Variants in C8orf34 observed in about 807,000 individuals in gnomAD.
C8orf34 encodes the protein uncharacterized protein C8orf34.
A neutral mutation model predicts 68.3 loss-of-function variants in C8orf34; 65 were observed. The ratio of observed to expected loss-of-function variants is 0.95; its 90% CI spans 0.78 to 1.17. The LOEUF (loss-of-function observed/expected upper bound fraction) is 1.17, where lower values mean the gene tolerates loss of function less well. Among genes scored for constraint, C8orf34 ranks in the 50% most tolerant of loss-of-function variants. The pLI, the probability that C8orf34 is intolerant of heterozygous loss-of-function variation, is 0.00. For synonymous variants in C8orf34, 244 were observed against 241.2 expected (o/e 1.01, Z -0.11); for missense variants, 664 against 655.4 (o/e 1.01, Z -0.14).
In C8orf34 at chr8:68,630,945, AT is replaced by A. The variant is rs36031699; in HGVS notation, c.1106-9409del. Among the ~76,000 whole-genome samples, 895 of 118,326 alleles carry A rather than the reference AT, an allele frequency of 7.6e-3. 7 individuals are homozygous for A. The highest frequency in any genetic ancestry group is 0.019 in the African/African-American group (553 of 29,314). 77.6% of individuals were successfully genotyped at this position (118,326 alleles called of 152,430 possible). On this transcript the variant is annotated intron_variant, in intron 7 of 13. Transcript: ENST00000518698. ...CAGGCATGCCCCAACATGCCCAGCT[AT>A]TTTTTTTTTTTTTTTTTTTTTAAAA... is the stretch of plus-strand genomic sequence containing the variant.
chr8:68,417,663 A>T (rs1004962434), intron 1 of C8orf34, among the ~76,000 whole-genome samples: 1 of 152,146 alleles, frequency 6.6e-6, no homozygotes, highest in Non-Finnish European at 1.5e-5. Flanking sequence ...GAATGAAACT[A>T]AGAAAAACTA....
At chr8:68,515,821 A>G (rs1346569379) in intron 5 of C8orf34, among the ~76,000 whole-genome samples, 1 of 152,222 alleles carries the variant, frequency 6.6e-6, no homozygotes, top group Non-Finnish European at 1.5e-5. Context: ...GATGTGATGT[A>G]CTGGCCTTCA....
At chr8:68,510,026 C>A (rs1303448007) in intron 5 of C8orf34, among the ~76,000 whole-genome samples, 3 of 152,172 alleles carry the variant, frequency 2.0e-5, no homozygotes, top group Non-Finnish European at 4.4e-5. Flanking sequence ...GCTTAATTGG[C>A]AGGAATCAGC....
chr8:68,371,961 G>T (rs1021580632), intron 1 of C8orf34, among the ~76,000 whole-genome samples: 3 of 152,106 alleles, frequency 2.0e-5, no homozygotes, highest in Non-Finnish European at 2.9e-5. Context: ...ACAGCCACTT[G>T]GTTCTCCAAA....
chr8:68,773,303 T>C (rs1823406841), intron 10 of C8orf34, among the ~76,000 whole-genome samples: 1 of 152,192 alleles, frequency 6.6e-6, no homozygotes. Flanking sequence ...TGATGCCTTA[T>C]TCTTCGTTGT....
intron 1 of C8orf34, among the ~76,000 whole-genome samples, chr8:68,384,499 T>C (rs1226601385): frequency 2.0e-5 from 3 of 152,204 alleles, no homozygotes; most frequent in Admixed American, 6.5e-5. Flanking sequence ...ACAAGATTAA[T>C]TGGTTAATAG....
chr8:68,773,443 C>G (rs1585861086), intron 10 of C8orf34, among the ~76,000 whole-genome samples: 1 of 152,068 alleles, frequency 6.6e-6, no homozygotes. Flanking sequence ...CTCCGTCGCC[C>G]AGGTTGGAGT....
chr8:68,375,502 T>C (rs1218661389), intron 1 of C8orf34, among the ~76,000 whole-genome samples: 1 of 152,176 alleles, frequency 6.6e-6, no homozygotes, highest in Non-Finnish European at 1.5e-5. Context: ...ATCGTTGCAA[T>C]AGAAACTCAT....
chr8:68,499,426 G>A (rs1487101305), intron 5 of C8orf34, among the ~76,000 whole-genome samples: 1 of 152,136 alleles, frequency 6.6e-6, no homozygotes, highest in Non-Finnish European at 1.5e-5. Context: ...TAATGGAAAT[G>A]TGTTATAGCC....
At chr8:68,364,821 T>C (rs1457035049) in intron 1 of C8orf34, among the ~76,000 whole-genome samples, 1 of 149,946 alleles carries the variant, frequency 6.7e-6, no homozygotes, top group Non-Finnish European at 1.5e-5. Context: ...CACCCTAACA[T>C]CACAATTAAA....
At chr8:68,461,636 T>C (rs961876835) in intron 3 of C8orf34, among the ~76,000 whole-genome samples, 1 of 152,162 alleles carries the variant, frequency 6.6e-6, no homozygotes, top group Admixed American at 6.5e-5. Flanking sequence ...GGGCCAATAT[T>C]CAACATTGTT....
In C8orf34 at chr8:68,569,847, GA is replaced by G. The variant is rs562802212; in HGVS notation, c.1105+36700del. ...ACAAATACTATGGACTAATATTTTA[GA>G]AGCCACCTCTGTAGAGTGCCTACAT... On this transcript the variant is annotated intron_variant, in intron 7 of 13. Transcript: ENST00000518698. Among the ~76,000 whole-genome samples, 13 of 152,288 alleles carry G rather than the reference GA, an allele frequency of 8.5e-5. No homozygotes were observed. The South Asian group carries it at 2.5e-3, about 29-fold the overall frequency.
At chr8:68,751,036 T>C (rs145427826) in intron 10 of C8orf34, among the ~76,000 whole-genome samples, 371 of 152,252 alleles carry the variant, frequency 2.4e-3, no homozygotes, top group African/African-American at 8.5e-3. Context: ...TTGAGCGTAT[T>C]CTAGCTGGAA....
At chr8:68,404,767 G>T (rs1355381166) in intron 1 of C8orf34, among the ~76,000 whole-genome samples, 2 of 152,142 alleles carry the variant, frequency 1.3e-5, no homozygotes, top group African/African-American at 4.8e-5. Context: ...TGCTGTTTTG[G>T]TTACTGTAGG....
intron 1 of C8orf34, among the ~76,000 whole-genome samples, chr8:68,428,853 C>T (rs1406549561): frequency 6.6e-6 from 1 of 151,998 alleles, no homozygotes; most frequent in Non-Finnish European, 1.5e-5. Flanking sequence ...AAAGTTAATG[C>T]TTTTAAACGA....
At chr8:68,806,726 G>A (rs745726235) in intron 12 of C8orf34, among the ~76,000 whole-genome samples, 24 of 152,298 alleles carry the variant, frequency 1.6e-4, no homozygotes, top group Middle Eastern at 6.8e-3. Flanking sequence ...ATGTTTGGTA[G>A]CTGTGGATTG....
At chr8:68,366,335 T>C (rs919405578) in intron 1 of C8orf34, among the ~76,000 whole-genome samples, 15 of 137,692 alleles carry the variant, frequency 1.1e-4, no homozygotes, top group African/African-American at 4.2e-4. Flanking sequence ...AGGTAATTTA[T>C]AGATTCAATG....
chr8:68,673,021 A>G (rs72666772), intron 8 of C8orf34, among the ~76,000 whole-genome samples: 32,953 of 152,070 alleles, frequency 0.22, 3,860 homozygotes, highest in Middle Eastern at 0.35. Flanking sequence ...ATACCCTGGG[A>G]CCAGGAGAGA....
At chr8:68,335,463 A>AT (rs1236280873) in intron 1 of C8orf34, among the ~76,000 whole-genome samples, 2 of 152,192 alleles carry the variant, frequency 1.3e-5, no homozygotes, top group Non-Finnish European at 2.9e-5. Context: ...CTATATCAAA[A>AT]TTTGCATTAA....
Sources: allele counts gnomAD v4.1 joint callset (sites outside exome capture counted in the v4.1 genomes callset), GRCh38; gene constraint gnomAD v4.1.1; transcripts MANE v1.5; gene names NCBI Gene and HGNC (gene_info 2026-07-23, HGNC 2026-07-21).